The following SPRED2 variants were observed in gnomAD, a reference collection of about 807,000 sequenced individuals.
SPRED2 encodes the protein sprouty related EVH1 domain containing 2, also known as sprouty-related, EVH1 domain-containing protein 2.
SPRED2 carries 47 observed loss-of-function variants against 43.0 expected under a neutral mutation model. The ratio of observed to expected loss-of-function variants is 1.09; its 90% CI spans 0.87 to 1.40. The LOEUF (loss-of-function observed/expected upper bound fraction) is 1.40. SPRED2 is among the 40% of genes most tolerant of loss of function. The pLI, the probability that SPRED2 is intolerant of heterozygous loss-of-function variation, is 0.00. For missense variants in SPRED2, 561 were observed against 586.4 expected, an observed-to-expected ratio of 0.96 and a Z score of 0.45; for synonymous variants, 225 against 225.7, an observed-to-expected ratio of 1.00 and a Z score of 0.03.
In SPRED2 at chr2:65,432,290, G is replaced by T. The variant is rs1668901934; in HGVS notation, c.-303C>A. 3.0e-5 allele frequency: 12 copies of T among 406,006 alleles called. No homozygotes were observed. The South Asian group carries it at 3.3e-4, about 11-fold the overall frequency. The allele number at this position is 406,006 out of a possible 1,614,324, so 25.2% of individuals were successfully genotyped here. On this transcript the variant is annotated 5_prime_UTR_variant, in exon 1 of 6. Transcript: ENST00000356388. ...CGAGATTTGGGAAGGGGACGGCGGT[G>T]GGGGAGAGCAGGAGAAAAACAAGCG...
chr2:65,313,933 G>GC lies in SPRED2; in HGVS notation c.824dup (p.Leu276ProfsTer95), dbSNP rs1449244439. 1 of 1,611,244 alleles carries GC rather than the reference G, an allele frequency of 6.2e-7. No individual in the cohort carries two copies. Among genetic ancestry groups the GC allele is most frequent in the Non-Finnish European group, 8.5e-7 (1 of 1,180,008 alleles). ...CGCGGCCTTTGGGGTCCTCGCCTAG[G>GC]CCAAAGTCTGAGGAGTCCACGTAGG... On this transcript the variant is annotated frameshift_variant, in exon 6 of 6. Transcript: ENST00000356388. LOFTEE classifies it high-confidence loss of function.
At chr2:65,381,678 C>T (rs1036455915) in intron 1 of SPRED2, among the ~76,000 whole-genome samples, 5 of 152,198 alleles carry the variant, frequency 3.3e-5, no homozygotes, top group African/African-American at 4.8e-5. Flanking sequence ...GGAGGTGCCT[C>T]GGTGCAGGGC....
intron 1 of SPRED2, among the ~76,000 whole-genome samples, chr2:65,426,423 A>G (rs1676559339): frequency 6.6e-6 from 1 of 152,254 alleles, no homozygotes; most frequent in South Asian, 2.1e-4. Context: ...AGCAACCACA[A>G]TGTGCCCAAT....
intron 4 of SPRED2, among the ~76,000 whole-genome samples, chr2:65,325,158 A>G (rs1301652448): frequency 6.6e-6 from 1 of 152,226 alleles, no homozygotes; most frequent in African/African-American, 2.4e-5. Context: ...GGGAGATAAA[A>G]GGGACAAACC....
intron 1 of SPRED2, among the ~76,000 whole-genome samples, chr2:65,410,830 T>C (rs1030153882): frequency 6.6e-6 from 1 of 152,060 alleles, no homozygotes; most frequent in Non-Finnish European, 1.5e-5. Flanking sequence ...GATAATCAGT[T>C]AGCTTGAAAG....
At chr2:65,407,196 G>A (rs1485730967) in intron 1 of SPRED2, among the ~76,000 whole-genome samples, 5 of 151,334 alleles carry the variant, frequency 3.3e-5, no homozygotes, top group African/African-American at 1.2e-4. Flanking sequence ...CAAAGTGCTG[G>A]AATTACAGGT....
At chr2:65,392,015 T>A (rs905071876) in intron 1 of SPRED2, among the ~76,000 whole-genome samples, 5 of 152,086 alleles carry the variant, frequency 3.3e-5, no homozygotes, top group African/African-American at 1.2e-4. Flanking sequence ...TTCTCCTGGT[T>A]GTCTTTGTCT....
chr2:65,383,026 G>A (rs928229254), intron 1 of SPRED2, among the ~76,000 whole-genome samples: 1 of 152,194 alleles, frequency 6.6e-6, no homozygotes, highest in Non-Finnish European at 1.5e-5. Flanking sequence ...GTTCCGCTGC[G>A]GCACAAGCCG....
intron 1 of SPRED2, among the ~76,000 whole-genome samples, chr2:65,417,293 G>T (rs937022838): frequency 3.3e-5 from 5 of 152,154 alleles, no homozygotes; most frequent in African/African-American, 2.4e-5. Flanking sequence ...AAAAACCTTG[G>T]AACTTCACAT....
chr2:65,422,104 A>ACACACACACACACACT (rs1299857849), intron 1 of SPRED2, among the ~76,000 whole-genome samples: 4,315 of 128,860 alleles, frequency 0.033, 73 homozygotes, highest in Middle Eastern at 0.066. Flanking sequence ...ACACACACAC[A>ACACACACACACACACT]CTCTCTCTCT....
intron 1 of SPRED2, among the ~76,000 whole-genome samples, chr2:65,430,679 G>A (rs1676656576): frequency 6.6e-6 from 1 of 152,090 alleles, no homozygotes; most frequent in African/African-American, 2.4e-5. Context: ...AAAGACGCGC[G>A]CGGGGCCTCC....
intron 4 of SPRED2, among the ~76,000 whole-genome samples, chr2:65,321,347 T>C (rs1258407731): frequency 6.6e-6 from 1 of 152,046 alleles, no homozygotes; most frequent in Non-Finnish European, 1.5e-5. Flanking sequence ...CCTTTGGGTT[T>C]GACTCTGACT....
At chr2:65,381,077 T>C (rs1445644579) in intron 1 of SPRED2, among the ~76,000 whole-genome samples, 1 of 152,164 alleles carries the variant, frequency 6.6e-6, no homozygotes, top group Non-Finnish European at 1.5e-5. Context: ...TATGAAGCCA[T>C]TGAGAGGTCA....
At chr2:65,328,466 T>C (rs963580801) in intron 4 of SPRED2, among the ~76,000 whole-genome samples, 10 of 152,168 alleles carry the variant, frequency 6.6e-5, no homozygotes, top group African/African-American at 1.9e-4. Context: ...AGTCACTTCA[T>C]CTCGCTGAGC....
chr2:65,429,930 C>T (rs1193420709), intron 1 of SPRED2, among the ~76,000 whole-genome samples: 1 of 152,186 alleles, frequency 6.6e-6, no homozygotes, highest in Admixed American at 6.5e-5. Flanking sequence ...ACTCGAAATC[C>T]TTCTGCTTTG....
intron 1 of SPRED2, among the ~76,000 whole-genome samples, chr2:65,415,275 A>C (rs1676247459): frequency 6.6e-6 from 1 of 152,200 alleles, no homozygotes; most frequent in Admixed American, 6.5e-5. Flanking sequence ...CCACATTTGC[A>C]TGCAGTGCCA....
intron 1 of SPRED2, among the ~76,000 whole-genome samples, chr2:65,357,763 T>A (rs1572866367): frequency 1.3e-5 from 2 of 152,162 alleles, no homozygotes; most frequent in Admixed American, 1.3e-4. Context: ...TTCACACCAA[T>A]AGAGGTAATT....
intron 1 of SPRED2, among the ~76,000 whole-genome samples, chr2:65,360,812 C>T (rs1022873339): frequency 2.0e-5 from 3 of 152,074 alleles, no homozygotes; most frequent in Non-Finnish European, 4.4e-5. Context: ...AGATGATATA[C>T]GCTATGTTAT....
At chr2:65,378,925 A>G (rs1675307534) in intron 1 of SPRED2, among the ~76,000 whole-genome samples, 1 of 152,192 alleles carries the variant, frequency 6.6e-6, no homozygotes, top group African/African-American at 2.4e-5. Flanking sequence ...CAGTTCAGGA[A>G]GATATCAAGG....
Sources: gnomAD v4.1 joint callset for allele counts (sites outside exome capture counted in the v4.1 genomes callset) on GRCh38, gnomAD v4.1.1 for gene constraint, MANE v1.5 for transcripts, NCBI Gene and HGNC (gene_info 2026-07-23, HGNC 2026-07-21) for gene names.